Variants in CSMD2 observed in about 807,000 individuals in gnomAD.
The protein encoded by CSMD2 is CUB and sushi domain-containing protein 2.
A neutral mutation model predicts 398.5 loss-of-function variants in CSMD2; 130 were observed. The ratio of observed to expected loss-of-function variants is 0.33; its 90% CI spans 0.28 to 0.38. The LOEUF is 0.38. Among genes scored for constraint, CSMD2 ranks in the 10% least tolerant of loss-of-function variants. The pLI is 1.00. For missense variants in CSMD2, 3,829 were observed against 4,764.9 expected (o/e 0.80, Z 5.78); for synonymous variants, 1,828 against 1,908.5 (o/e 0.96, Z 1.10).
chr1:34,127,423 A>G (rs1294909149), intron 1 of CSMD2, among the ~76,000 whole-genome samples: 1 of 152,158 alleles, frequency 6.6e-6, no homozygotes, highest in Admixed American at 6.5e-5. Flanking sequence ...CACAAAGAAG[A>G]CAGATGGAAG....
chr1:33,740,269 C>T (rs1279418616), intron 14 of CSMD2, among the ~76,000 whole-genome samples: 1 of 152,002 alleles, frequency 6.6e-6, no homozygotes, highest in Non-Finnish European at 1.5e-5. Context: ...TCACAGTTCT[C>T]TTACTAAATG....
intron 3 of CSMD2, among the ~76,000 whole-genome samples, chr1:34,006,863 T>C (rs1169129368): frequency 6.6e-6 from 1 of 152,006 alleles, no homozygotes; most frequent in East Asian, 1.9e-4. Flanking sequence ...CCAAGGAGTA[T>C]GCAAGTGCTG....
intron 5 of CSMD2, among the ~76,000 whole-genome samples, chr1:33,853,514 T>TA (rs1294438647): frequency 6.6e-6 from 1 of 152,264 alleles, no homozygotes; most frequent in Non-Finnish European, 1.5e-5. Flanking sequence ...TTCATCAGTT[T>TA]ATGTGATGTT....
chr1:33,793,999 C>T (rs1654650002), intron 10 of CSMD2, among the ~76,000 whole-genome samples: 1 of 152,216 alleles, frequency 6.6e-6, no homozygotes, highest in Admixed American at 6.5e-5. Context: ...ATTCCCCCAA[C>T]AGGGAGACTG....
intron 2 of CSMD2, among the ~76,000 whole-genome samples, chr1:34,075,786 A>G (rs1656259729): frequency 6.6e-6 from 1 of 152,204 alleles, no homozygotes; most frequent in Admixed American, 6.5e-5. Flanking sequence ...CAGCACGGAG[A>G]GGCCATCTAA....
At chr1:33,570,690 T>G (rs577387367) in intron 51 of CSMD2, among the ~76,000 whole-genome samples, 1 of 152,268 alleles carries the variant, frequency 6.6e-6, no homozygotes, top group South Asian at 2.1e-4. Context: ...AAAACAACCC[T>G]TGGCTGGCAG....
chr1:34,155,881 C>T (rs1349915576), intron 1 of CSMD2, among the ~76,000 whole-genome samples: 2 of 152,142 alleles, frequency 1.3e-5, no homozygotes, highest in Non-Finnish European at 1.5e-5. Flanking sequence ...TATTATTATC[C>T]CCATTTTATA....
At chr1:33,941,026 G>T (rs979594328) in intron 3 of CSMD2, among the ~76,000 whole-genome samples, 2 of 152,040 alleles carry the variant, frequency 1.3e-5, no homozygotes, top group Admixed American at 1.3e-4. Flanking sequence ...TTTTAGCACA[G>T]ATACTATAAC....
intron 7 of CSMD2, among the ~76,000 whole-genome samples, chr1:33,825,153 G>GC (rs112905999): frequency 0.68 from 102,669 of 151,618 alleles, 35,712 homozygotes; most frequent in African/African-American, 0.85. Flanking sequence ...CAAGAAGAGA[G>GC]CCCCCAGTGC....
At chr1:34,162,796 T>C (rs945524522) in intron 1 of CSMD2, among the ~76,000 whole-genome samples, 1 of 151,752 alleles carries the variant, frequency 6.6e-6, no homozygotes, top group African/African-American at 2.4e-5. Flanking sequence ...GAGGCGGAGG[T>C]TGCAGTGAGC....
Position 33,533,337 on chromosome 1 carries a change from A to G in CSMD2, c.9992-108T>C, listed in dbSNP as rs968690639. The G allele has an allele frequency of 1.5e-5, 15 of 1,019,838 alleles. No homozygotes were observed. The highest frequency in any genetic ancestry group is 7.3e-5 in the Admixed American group (3 of 40,822). 63.2% of individuals were successfully genotyped at this position (1,019,838 alleles called of 1,614,324 possible). On this transcript the variant is annotated intron_variant, in intron 63 of 70. Coordinates refer to ENST00000373381, the MANE Select transcript of CSMD2 (RefSeq NM_001281956.2). This position sits in a 1 kb window ranked among gnomAD's most constrained non-coding sequence, Gnocchi z 4.2. ...AGAATATCCTCTTCCTTTCCCTTCCAGTCCCTTTCATGCCAAGCATCCCCC... is the reference window on the plus strand; with the variant it reads ...AGAATATCCTCTTCCTTTCCCTTCCGGTCCCTTTCATGCCAAGCATCCCCC...
chr1:33,810,044 G>A (rs1026932370), intron 10 of CSMD2, among the ~76,000 whole-genome samples: 1 of 152,084 alleles, frequency 6.6e-6, no homozygotes, highest in African/African-American at 2.4e-5. Context: ...CCATACTCAT[G>A]AACTGGAAGA....
chr1:33,837,596 A>G (rs1251818540), intron 6 of CSMD2, among the ~76,000 whole-genome samples: 1 of 152,240 alleles, frequency 6.6e-6, no homozygotes, highest in East Asian at 1.9e-4. Flanking sequence ...GCCCTTACCC[A>G]TGCATACATG....
intron 5 of CSMD2, among the ~76,000 whole-genome samples, chr1:33,905,289 A>G (rs890461963): frequency 3.3e-5 from 5 of 152,348 alleles, no homozygotes; most frequent in Non-Finnish European, 5.9e-5. Context: ...TAGTCCAAGC[A>G]TAAAGGCTGG....
At chr1:33,584,515 C>T (rs888656295) in intron 46 of CSMD2, among the ~76,000 whole-genome samples, 1 of 152,012 alleles carries the variant, frequency 6.6e-6, no homozygotes, top group African/African-American at 2.4e-5. Flanking sequence ...ACTAAAAATA[C>T]AAAAATTAGC....
chr1:33,867,624 C>T (rs1382124490), intron 5 of CSMD2, among the ~76,000 whole-genome samples: 1 of 152,210 alleles, frequency 6.6e-6, no homozygotes, highest in African/African-American at 2.4e-5. Context: ...TGTCTTTAAT[C>T]TTGTTTCTAT....
chr1:33,725,470 C>G lies in CSMD2; in HGVS notation c.2574G>C (p.Leu858Phe), dbSNP rs775969093. Residue 858 changes from leucine to phenylalanine, a missense_variant, in exon 17 of 71, where the codon TTG (leucine) becomes TTC (phenylalanine). Coordinates refer to ENST00000373381, the MANE Select transcript of CSMD2 (RefSeq NM_001281956.2). ...CCTGGGTCCCGTGGTAAACCCCGAT[C>G]AAGGGCGCTGAGTAAGTCCGCCCAT... ...VRDGRTYSAP[L>F]IGVYHGTQVP... 8 of 1,614,198 alleles carry G rather than the reference C, an allele frequency of 5.0e-6. No homozygotes were observed. The highest frequency in any genetic ancestry group is 6.8e-6 in the Non-Finnish European group (8 of 1,180,028).
In CSMD2 at chr1:33,629,648, T is replaced by G. The variant is rs146992939; in HGVS notation, c.5201-3067A>C. Reference sequence around the variant, plus strand: ...CCAACGCAACTCAGGGACAGGGACATAGTGCACTCCCATCAGTACCAATGG... The same window carrying G: ...CCAACGCAACTCAGGGACAGGGACAGAGTGCACTCCCATCAGTACCAATGG... On this transcript the variant is annotated intron_variant, in intron 32 of 70. Coordinates refer to ENST00000373381, the MANE Select transcript of CSMD2 (RefSeq NM_001281956.2). 9.6e-3 allele frequency among the ~76,000 whole-genome samples: 1,454 copies of G among 152,170 alleles called. 28 individuals are homozygous for G. The highest frequency in any genetic ancestry group is 0.034 in the African/African-American group (1,391 of 41,516).
Position 34,150,234 on chromosome 1 carries a change from G to A in CSMD2, c.187+14677C>T, listed in dbSNP as rs149052905. 7.5e-3 allele frequency among the ~76,000 whole-genome samples: 1,134 copies of A among 151,854 alleles called. 24 individuals are homozygous for A. Among genetic ancestry groups the A allele is most frequent in the African/African-American group, 0.026 (1,080 of 41,422 alleles). ...CTTGCTGGGACTACAGGCGTGTGCC[G>A]CCACCACACCCAGCTAATATTTTTA... On this transcript the variant is annotated intron_variant, in intron 1 of 70. Coordinates refer to ENST00000373381, the MANE Select transcript of CSMD2 (RefSeq NM_001281956.2).
Sources: gnomAD v4.1 joint callset for allele counts (sites outside exome capture counted in the v4.1 genomes callset) on GRCh38, gnomAD v4.1.1 for gene constraint, Gnocchi (gnomAD v3.1) non-coding constraint, MANE v1.5 for transcripts, NCBI Gene and HGNC (gene_info 2026-07-23, HGNC 2026-07-21) for gene names.